C11orf65: variants seen among roughly 807,000 people sequenced by gnomAD.
C11orf65 encodes chromosome 11 open reading frame 65.
In C11orf65, 38 loss-of-function variants were observed where a neutral mutation model predicts 35.3. The ratio of observed to expected loss-of-function variants is 1.08; its 90% CI spans 0.83 to 1.41. The LOEUF (loss-of-function observed/expected upper bound fraction) is 1.41, where lower values mean the gene tolerates loss of function less well. C11orf65 is among the 40% of genes most tolerant of loss of function. The pLI is 0.00. For synonymous variants in C11orf65, 105 were observed against 114.4 expected (o/e 0.92, Z 0.53); for missense variants, 370 against 367.1 (o/e 1.01, Z -0.06).
intron 6 of C11orf65, among the ~76,000 whole-genome samples, chr11:108,395,414 T>G (rs867895274): frequency 6.7e-6 from 1 of 149,122 alleles, no homozygotes; most frequent in African/African-American, 2.5e-5. Flanking sequence ...AACCTCCACC[T>G]CCCGGGTTCA....
chr11:108,381,149 T>C (rs926527149), downstream of C11orf65, among the ~76,000 whole-genome samples: 5 of 152,176 alleles, frequency 3.3e-5, no homozygotes, highest in Non-Finnish European at 5.9e-5. Flanking sequence ...CATTATATGG[T>C]GCTCTGTCTA....
intron 2 of C11orf65, among the ~76,000 whole-genome samples, chr11:108,354,066 C>A (rs1403669975): frequency 9.2e-6 from 1 of 108,404 alleles, no homozygotes; most frequent in East Asian, 3.6e-4. Flanking sequence ...AATACACACA[C>A]ACAAACACAC....
At chr11:108,428,962 C>A (rs1472254536) in intron 3 of C11orf65, among the ~76,000 whole-genome samples, 2 of 151,962 alleles carry the variant, frequency 1.3e-5, no homozygotes, top group African/African-American at 4.8e-5. Flanking sequence ...GCCTGCGTAA[C>A]CTAGGGAGAT....
At chr11:108,310,817 T>C (rs1396802495) in intron 6 of C11orf65, among the ~76,000 whole-genome samples, 4 of 152,236 alleles carry the variant, frequency 2.6e-5, no homozygotes, top group Non-Finnish European at 5.9e-5. Context: ...CCTATATTTC[T>C]AGTGAATTTA....
intron 2 of C11orf65, among the ~76,000 whole-genome samples, chr11:108,433,777 A>C (rs1591545073): frequency 6.6e-6 from 1 of 151,920 alleles, no homozygotes. Context: ...ACTCACAGGA[A>C]GTTCTATATA....
At chr11:108,415,433 G>A (rs2138803415) in intron 3 of C11orf65, among the ~76,000 whole-genome samples, 1 of 152,182 alleles carries the variant, frequency 6.6e-6, no homozygotes, top group South Asian at 2.1e-4. Context: ...GAAACTACAA[G>A]ACCGTGATGA....
chr11:108,335,893 A>G, intron 2 of C11orf65: 1 of 1,614,088 alleles, frequency 6.2e-7, no homozygotes. Context: ...GGTCTTCCAG[A>G]TGTGTAATAC....
chr11:108,427,638 C>T (rs1373429332), intron 3 of C11orf65, among the ~76,000 whole-genome samples: 1 of 125,748 alleles, frequency 8.0e-6, no homozygotes, highest in East Asian at 2.7e-4. Context: ...AGGAGAATGG[C>T]GTGAACCCGG....
intron 2 of C11orf65, among the ~76,000 whole-genome samples, chr11:108,361,743 A>G (rs1261100962): frequency 6.6e-6 from 1 of 151,874 alleles, no homozygotes. Context: ...CTGGCTAGCC[A>G]TATGGAGAAA....
chr11:108,427,689 T>G (rs1591531248), intron 3 of C11orf65, among the ~76,000 whole-genome samples: 1 of 91,686 alleles, frequency 1.1e-5, no homozygotes, highest in Admixed American at 1.9e-4. Flanking sequence ...GCCACTGCAC[T>G]CCAGCCTGGG....
intron 3 of C11orf65, among the ~76,000 whole-genome samples, chr11:108,421,555 G>A (rs1293725436): frequency 6.6e-6 from 1 of 152,148 alleles, no homozygotes; most frequent in Non-Finnish European, 1.5e-5. Flanking sequence ...CTACTTGGGA[G>A]GCTGAAGCAG....
intron 6 of C11orf65, chr11:108,320,078 T>A (rs2136223571): frequency 1.3e-6 from 2 of 1,506,230 alleles, no homozygotes; most frequent in Non-Finnish European, 1.8e-6. Context: ...AAAGACAAAG[T>A]TACTGTATTT....
At chr11:108,374,868 A>G (rs952083106) in intron 2 of C11orf65, among the ~76,000 whole-genome samples, 1 of 152,248 alleles carries the variant, frequency 6.6e-6, no homozygotes, top group Non-Finnish European at 1.5e-5. Flanking sequence ...GATGCGATCA[A>G]CTGGAAGAAA....
chr11:108,398,568 G>C (rs2092370890), intron 6 of C11orf65, among the ~76,000 whole-genome samples: 1 of 152,210 alleles, frequency 6.6e-6, no homozygotes, highest in Non-Finnish European at 1.5e-5. Flanking sequence ...ATAAACACAG[G>C]AAAGAAGAAG....
chr11:108,335,790 T>C, intron 2 of C11orf65: 1 of 1,427,362 alleles, frequency 7.0e-7, no homozygotes, highest in Non-Finnish European at 9.8e-7. Flanking sequence ...GATGACTCTG[T>C]GTTTTTATAA....
chr11:108,380,548 G>C (rs1453575450), downstream of C11orf65, among the ~76,000 whole-genome samples: 1 of 152,198 alleles, frequency 6.6e-6, no homozygotes, highest in African/African-American at 2.4e-5. Flanking sequence ...TTGGCACTGA[G>C]GGCCAGCCAA....
rs771769081 is a variant in C11orf65 at position 108,406,879 on chromosome 11, CA to C, written c.312del (p.Tyr104Ter). ...EDLCANSPRN[Y>X]AKLPAKHTSH... ...GATGTATGCTTTGCTGGAAGTTTTG[CA>C]TAATTTCTAGGGCTGTTAGCACAGA... On this transcript the variant is annotated frameshift_variant, in exon 5 of 9. Transcript: ENST00000393084. LOFTEE classifies it high-confidence loss of function. 1.9e-6 allele frequency: 3 copies of C among 1,612,790 alleles called. No homozygotes were observed. Among genetic ancestry groups the C allele is most frequent in the East Asian group, 4.5e-5 (2 of 44,804 alleles).
rs951881516 is a variant in C11orf65, at chr11:108,326,094, A to G, written c.641-17023T>C. On this transcript the variant is annotated intron_variant, in intron 6 of 6. Transcript: ENST00000525729. The stretch of plus-strand genomic sequence containing the variant: ...GGCAATATTTCAAATTAAACAGTAC[A>G]ATTCAGTTAGCTGTGGAGTCTCTGA... 3.7e-6 allele frequency: 6 copies of G among 1,614,156 alleles called. No homozygotes were observed. The highest frequency in any genetic ancestry group is 2.2e-5 in the South Asian group (2 of 91,082).
At chr11:108,457,969 A>C (rs1218463502) in intron 2 of C11orf65, among the ~76,000 whole-genome samples, 2 of 152,076 alleles carry the variant, frequency 1.3e-5, no homozygotes, top group South Asian at 2.1e-4. Flanking sequence ...GAACAATTTT[A>C]ATCTGTCATA....
Sources: allele counts gnomAD v4.1 joint callset (sites outside exome capture counted in the v4.1 genomes callset), GRCh38; gene constraint gnomAD v4.1.1; transcripts MANE v1.5; gene names NCBI Gene and HGNC (gene_info 2026-07-23, HGNC 2026-07-21).